Variants in KCNMA1 observed in about 807,000 individuals in gnomAD.
KCNMA1 encodes Calcium-activated potassium channel subunit alpha-1.
Under a neutral mutation model 140.0 loss-of-function variants are expected in KCNMA1, and 29 were observed. The observed-to-expected ratio is 0.21, with a 90% CI of 0.15 to 0.28. The LOEUF is 0.28. Among genes scored for constraint, KCNMA1 ranks in the 10% least tolerant of loss-of-function variants. KCNMA1 has a pLI of 1.00. For missense variants in KCNMA1, 880 were observed against 1,602.2 expected (o/e 0.55, Z 7.70); for synonymous variants, 612 against 611.9 (o/e 1.00, Z 0.00).
In KCNMA1 at chr10:76,932,630, G is replaced by A. The variant is rs568314128; in HGVS notation, c.2902+12143C>T. Among the ~76,000 whole-genome samples, 255 of 152,254 alleles carry A rather than the reference G, an allele frequency of 1.7e-3. 1 individual carries two copies. The highest frequency in any genetic ancestry group is 2.7e-3 in the Non-Finnish European group (181 of 68,032). On this transcript the variant is annotated intron_variant, in intron 23 of 27. Transcript: ENST00000286628. ...GGGTCATTTAATATATAGATATATA[G>A]ATGAGGAAATGAAATCTGGAATCTT...
intron 5 of KCNMA1, among the ~76,000 whole-genome samples, chr10:77,168,957 G>A (rs974199280): frequency 1.3e-5 from 2 of 152,148 alleles, no homozygotes; most frequent in African/African-American, 4.8e-5. Flanking sequence ...AATGAACATG[G>A]CTATGTTCCA....
chr10:77,099,051 T>C (rs35993060), intron 9 of KCNMA1, among the ~76,000 whole-genome samples: 18,626 of 152,042 alleles, frequency 0.12, 1,405 homozygotes, highest in Non-Finnish European at 0.17. Context: ...AAAGCAGATT[T>C]GCCCGATTTC....
At chr10:77,282,971 A>C (rs1451040712) in intron 2 of KCNMA1, among the ~76,000 whole-genome samples, 1 of 152,262 alleles carries the variant, frequency 6.6e-6, no homozygotes, top group South Asian at 2.1e-4. Flanking sequence ...TGCCTCTGGC[A>C]GAGTAAATGT....
At chr10:77,331,649 TAAA>T (rs34133785) in intron 2 of KCNMA1, among the ~76,000 whole-genome samples, 17,817 of 148,198 alleles carry the variant, frequency 0.12, 1,088 homozygotes, top group Middle Eastern at 0.2. Flanking sequence ...ACAAAACCTT[TAAA>T]AAAAAAAAAA....
intron 1 of KCNMA1, chr10:77,637,054 A>T (rs968353589): frequency 7.2e-7 from 1 of 1,387,964 alleles, no homozygotes; most frequent in African/African-American, 1.5e-5. Flanking sequence ...CCCGGAGCGC[A>T]CTGGCTGGGG....
rs533082588 is a variant in KCNMA1, at chr10:77,060,499, T to C, written c.1749+12598A>G. Among the ~76,000 whole-genome samples, 4 of 152,256 alleles carry C rather than the reference T, an allele frequency of 2.6e-5. No homozygotes were observed. The South Asian group carries it at 8.3e-4, about 32-fold the overall frequency. On this transcript the variant is annotated intron_variant, in intron 14 of 27. Coordinates refer to ENST00000286628, the MANE Select transcript of KCNMA1 (RefSeq NM_001161352.2). ...GGTGCAGAGTACTTGTTTTCTAGTT[T>C]CACAGATCCAAAAATGGAGAAGAAT...
At chr10:77,602,715 G>A (rs1425924737) in intron 1 of KCNMA1, among the ~76,000 whole-genome samples, 1 of 152,098 alleles carries the variant, frequency 6.6e-6, no homozygotes, top group East Asian at 1.9e-4. Context: ...TCCTACCATA[G>A]GAGACCAGCA....
intron 1 of KCNMA1, among the ~76,000 whole-genome samples, chr10:77,549,213 C>G (rs1221183959): frequency 6.6e-6 from 1 of 152,198 alleles, no homozygotes; most frequent in Non-Finnish European, 1.5e-5. Flanking sequence ...GCCTGGAGCA[C>G]TGGAGCTAAA....
chr10:77,169,880 C>T (rs1048043268), intron 5 of KCNMA1, among the ~76,000 whole-genome samples: 3 of 152,130 alleles, frequency 2.0e-5, no homozygotes, highest in African/African-American at 4.8e-5. Flanking sequence ...GCATTTATTT[C>T]GAGTGATATA....
intron 2 of KCNMA1, among the ~76,000 whole-genome samples, chr10:77,383,559 C>T (rs895781324): frequency 1.3e-5 from 2 of 151,786 alleles, no homozygotes; most frequent in African/African-American, 4.8e-5. Flanking sequence ...ATCTAGAAAG[C>T]ATATTTTTTA....
intron 1 of KCNMA1, among the ~76,000 whole-genome samples, chr10:77,414,536 G>C (rs1164053279): frequency 6.6e-6 from 1 of 151,978 alleles, no homozygotes; most frequent in African/African-American, 2.4e-5. Context: ...CTGTCGCCCA[G>C]GATGGAGTGC....
chr10:77,040,256 T>A (rs978617690), intron 14 of KCNMA1, among the ~76,000 whole-genome samples: 19 of 152,122 alleles, frequency 1.2e-4, no homozygotes, highest in Non-Finnish European at 2.2e-4. Flanking sequence ...TTGATACAAC[T>A]GTTTTGAAGA....
chr10:77,183,534 T>TG lies in KCNMA1; in HGVS notation c.697-3dup. 6.3e-7 allele frequency: 1 copy of TG among 1,594,000 alleles called. No homozygotes were observed. Among genetic ancestry groups the TG allele is most frequent in the Non-Finnish European group, 8.6e-7 (1 of 1,162,322 alleles). ...CAATTTATCGTTGGCTGCAATAAAC[T>TG]GGGGGAAAGAAGAAATAAGAAAGAG... On this transcript the variant is annotated splice_region_variant and splice_polypyrimidine_tract_variant and intron_variant, in intron 4 of 27. Coordinates refer to ENST00000286628, the MANE Select transcript of KCNMA1 (RefSeq NM_001161352.2).
intron 1 of KCNMA1, among the ~76,000 whole-genome samples, chr10:77,586,732 T>C (rs1343942368): frequency 2.0e-5 from 3 of 152,370 alleles, no homozygotes; most frequent in Non-Finnish European, 4.4e-5. Flanking sequence ...GAAGTTTCTA[T>C]GTGCATACCA....
chr10:77,412,558 A>G (rs2096642902), intron 1 of KCNMA1, among the ~76,000 whole-genome samples: 1 of 151,896 alleles, frequency 6.6e-6, no homozygotes, highest in African/African-American at 2.4e-5. Context: ...CAGTCACCTA[A>G]CCTCTCTGAG....
chr10:77,619,298 GTCTC>G (rs1236202701), intron 1 of KCNMA1, among the ~76,000 whole-genome samples: 3 of 128,134 alleles, frequency 2.3e-5, no homozygotes, highest in African/African-American at 9.5e-5. Flanking sequence ...CCCCAGTAGT[GTCTC>G]TCTGTCTGTC....
chr10:77,530,575 T>G (rs931780167), intron 1 of KCNMA1, among the ~76,000 whole-genome samples: 1 of 152,204 alleles, frequency 6.6e-6, no homozygotes, highest in South Asian at 2.1e-4. Context: ...GGTGATGCAG[T>G]GCACAAAGCT....
intron 2 of KCNMA1, among the ~76,000 whole-genome samples, chr10:77,403,559 TC>T (rs1256332088): frequency 6.6e-6 from 1 of 152,116 alleles, no homozygotes; most frequent in African/African-American, 2.4e-5. Context: ...TCTTCTCCTC[TC>T]CAAGATGATG....
chr10:76,909,904 G>T, intron 25 of KCNMA1, 62 bp downstream of exon 25: 2 of 1,579,998 alleles, frequency 1.3e-6, no homozygotes, highest in Non-Finnish European at 8.6e-7. Flanking sequence ...CTCAAAGGTT[G>T]GAGGTGCTCT....
Sources: gnomAD v4.1 joint callset for allele counts (sites outside exome capture counted in the v4.1 genomes callset) on GRCh38, gnomAD v4.1.1 for gene constraint, MANE v1.5 for transcripts, NCBI Gene and HGNC (gene_info 2026-07-23, HGNC 2026-07-21) for gene names.